Variants in CCDC85A observed in about 807,000 individuals in gnomAD.
CCDC85A encodes the protein coiled-coil domain containing 85A.
CCDC85A carries 38 observed loss-of-function variants against 50.2 expected under a neutral mutation model. That is an observed-to-expected ratio of 0.76 (90% confidence interval 0.58 to 0.99). The LOEUF (loss-of-function observed/expected upper bound fraction) is 0.99. Among genes scored for constraint, CCDC85A ranks in the 50% least tolerant of loss-of-function variants. The pLI, the probability that CCDC85A is intolerant of heterozygous loss-of-function variation, is 0.00. For missense variants in CCDC85A, 820 were observed against 742.0 expected, an observed-to-expected ratio of 1.11 and a Z score of -1.22; for synonymous variants, 366 against 301.4, an observed-to-expected ratio of 1.21 and a Z score of -2.22.
intron 2 of CCDC85A, among the ~76,000 whole-genome samples, chr2:56,312,997 A>C (rs115870568): frequency 6.6e-6 from 1 of 152,176 alleles, no homozygotes; most frequent in Non-Finnish European, 1.5e-5. Context: ...GCATTGTCTT[A>C]TTTAATTCTC....
At chr2:56,339,081 G>A (rs1208856959) in intron 2 of CCDC85A, among the ~76,000 whole-genome samples, 2 of 152,176 alleles carry the variant, frequency 1.3e-5, no homozygotes, top group Non-Finnish European at 2.9e-5. Flanking sequence ...TAATCTAATA[G>A]GGAATGTGTG....
At chr2:56,203,333 A>C (rs1025071745) in intron 2 of CCDC85A, among the ~76,000 whole-genome samples, 3 of 152,058 alleles carry the variant, frequency 2.0e-5, no homozygotes, top group African/African-American at 7.2e-5. Context: ...CAAGCTTTTC[A>C]AAATCTGTGG....
intron 2 of CCDC85A, among the ~76,000 whole-genome samples, chr2:56,300,490 G>T (rs1484491811): frequency 2.0e-5 from 3 of 152,142 alleles, no homozygotes; most frequent in Non-Finnish European, 4.4e-5. Context: ...TCATGTAGGG[G>T]TGATGCTGAA....
At chr2:56,312,377 G>A (rs1462084999) in intron 2 of CCDC85A, among the ~76,000 whole-genome samples, 1 of 152,034 alleles carries the variant, frequency 6.6e-6, no homozygotes, top group African/African-American at 2.4e-5. Flanking sequence ...AATGTTTAAT[G>A]TTTATTATAG....
At chr2:56,191,614 C>G (rs1206131057) in intron 1 of CCDC85A, among the ~76,000 whole-genome samples, 1 of 152,166 alleles carries the variant, frequency 6.6e-6, no homozygotes, top group Non-Finnish European at 1.5e-5. Flanking sequence ...GAAGGAGATG[C>G]CAGGGATGAC....
Position 56,342,872 on chromosome 2 carries a change from AT to A in CCDC85A, c.1241-3del. ...GTATAATGTGAGTTCTTTCTTTTTAATTTTAGAATCAACCTTGTCCTATGTT... is the reference window on the plus strand; with the variant it reads ...GTATAATGTGAGTTCTTTCTTTTTAATTTAGAATCAACCTTGTCCTATGTT... On this transcript the variant is annotated splice_region_variant and splice_polypyrimidine_tract_variant and intron_variant, in intron 2 of 5. Transcript: ENST00000407595. The A allele has an allele frequency of 1.3e-6, 2 of 1,570,718 alleles. No individual in the cohort carries two copies. Among genetic ancestry groups the A allele is most frequent in the Non-Finnish European group, 1.7e-6 (2 of 1,155,444 alleles).
At chr2:56,345,229 G>T (rs1466016506) in intron 3 of CCDC85A, among the ~76,000 whole-genome samples, 1 of 152,094 alleles carries the variant, frequency 6.6e-6, no homozygotes, top group Non-Finnish European at 1.5e-5. Context: ...AAATGGCTAG[G>T]AAAGATCATG....
intron 1 of CCDC85A, among the ~76,000 whole-genome samples, chr2:56,188,918 C>T (rs1004335132): frequency 6.6e-6 from 1 of 152,228 alleles, no homozygotes; most frequent in African/African-American, 2.4e-5. Flanking sequence ...ATAGACCCTG[C>T]TCTCCAGAAG....
At chr2:56,280,599 A>T (rs568659027) in intron 2 of CCDC85A, among the ~76,000 whole-genome samples, 1 of 152,286 alleles carries the variant, frequency 6.6e-6, no homozygotes, top group African/African-American at 2.4e-5. Flanking sequence ...CTCCAAAGAC[A>T]ATCCCCTCCC....
intron 2 of CCDC85A, among the ~76,000 whole-genome samples, chr2:56,326,353 A>G (rs570424449): frequency 1.3e-4 from 20 of 152,178 alleles, no homozygotes; most frequent in Non-Finnish European, 2.5e-4. Context: ...TACATAATAA[A>G]TCAAATAAAT....
At chr2:56,231,710 A>G (rs1399730766) in intron 2 of CCDC85A, among the ~76,000 whole-genome samples, 5 of 152,112 alleles carry the variant, frequency 3.3e-5, no homozygotes, top group African/African-American at 1.2e-4. Context: ...CAACCCTAAT[A>G]TTTGATGCTG....
intron 3 of CCDC85A, among the ~76,000 whole-genome samples, chr2:56,371,088 T>C (rs1020866077): frequency 6.6e-6 from 1 of 152,122 alleles, no homozygotes; most frequent in Non-Finnish European, 1.5e-5. Flanking sequence ...GGACTAATTA[T>C]CAAAAGAGCA....
At chr2:56,306,508 A>G (rs930461876) in intron 2 of CCDC85A, among the ~76,000 whole-genome samples, 9 of 152,220 alleles carry the variant, frequency 5.9e-5, no homozygotes, top group African/African-American at 2.2e-4. Context: ...CTCACATTAT[A>G]TAACTACTTA....
At chr2:56,184,979 T>TTCCC (rs1363936453) in intron 1 of CCDC85A, 79 bp downstream of exon 1, 49 of 1,416,338 alleles carry the variant, frequency 3.5e-5, no homozygotes, top group Middle Eastern at 2.6e-4. Context: ...CAGGCAAACT[T>TTCCC]TCCCTCCCTC....
intron 3 of CCDC85A, among the ~76,000 whole-genome samples, chr2:56,370,673 A>G (rs561292777): frequency 1.3e-5 from 2 of 152,296 alleles, no homozygotes; most frequent in East Asian, 3.9e-4. Context: ...AGTTCTCTAC[A>G]TAGTAGCTAA....
chr2:56,183,877 G>A (rs958123102), upstream of CCDC85A: 4 of 984,984 alleles, frequency 4.1e-6, no homozygotes, highest in East Asian at 2.3e-4. Context: ...GCACCTCGAG[G>A]GCCCGGGCAG....
At position 56,323,372 on chromosome 2, in the gene CCDC85A, G is replaced by C. The variant is rs1006594874; in HGVS notation, c.1241-19507G>C. 4.6e-5 allele frequency among the ~76,000 whole-genome samples: 7 copies of C among 152,156 alleles called. No homozygotes were observed. The South Asian group carries it at 8.3e-4, about 18-fold the overall frequency. On this transcript the variant is annotated intron_variant, in intron 2 of 5. Transcript: ENST00000407595. ...TAGCTTCTGAAGGTATAGGAAATGG[G>C]GGTGAATCTCACCACTGCGAGAGTG...
chr2:56,299,097 G>T (rs1672088041), intron 2 of CCDC85A, among the ~76,000 whole-genome samples: 1 of 152,140 alleles, frequency 6.6e-6, no homozygotes, highest in South Asian at 2.1e-4. Flanking sequence ...TAGTTCTCAT[G>T]CATTATTTAT....
intron 2 of CCDC85A, among the ~76,000 whole-genome samples, chr2:56,266,931 A>C (rs1670474941): frequency 6.6e-6 from 1 of 152,178 alleles, no homozygotes; most frequent in African/African-American, 2.4e-5. Flanking sequence ...TGTTTTGGAG[A>C]AAAAGTGAGT....
Sources: allele counts gnomAD v4.1 joint callset (sites outside exome capture counted in the v4.1 genomes callset), GRCh38; gene constraint gnomAD v4.1.1; transcripts MANE v1.5; gene names NCBI Gene and HGNC (gene_info 2026-07-23, HGNC 2026-07-21).